Variants in OCIAD2 observed in about 807,000 individuals in gnomAD.
The protein encoded by OCIAD2 is OCIA domain containing 2.
A neutral mutation model predicts 22.9 loss-of-function variants in OCIAD2; 29 were observed. That is an observed-to-expected ratio of 1.27 (90% CI 0.94 to 1.73). The LOEUF (loss-of-function observed/expected upper bound fraction) is 1.73. Among genes scored for constraint, OCIAD2 ranks in the 40% most tolerant of loss-of-function variants. The pLI is 0.00. For missense variants in OCIAD2, 189 were observed against 180.3 expected, an observed-to-expected ratio of 1.05 and a Z score of -0.28; for synonymous variants, 67 against 60.2, an observed-to-expected ratio of 1.11 and a Z score of -0.52.
At chr4:48,891,393 C>A (rs1464393417) in intron 6 of OCIAD2, among the ~76,000 whole-genome samples, 18 of 152,198 alleles carry the variant, frequency 1.2e-4, no homozygotes, top group Non-Finnish European at 2.4e-4. Context: ...TAGGGCATAG[C>A]AATTCATTAT....
chr4:48,902,796 T>C (rs1781443871), intron 2 of OCIAD2, among the ~76,000 whole-genome samples: 1 of 152,068 alleles, frequency 6.6e-6, no homozygotes, highest in Non-Finnish European at 1.5e-5. Flanking sequence ...CTACTAAAAA[T>C]GCAACAATTA....
intron 2 of OCIAD2, among the ~76,000 whole-genome samples, chr4:48,901,855 A>G (rs992855220): frequency 6.6e-6 from 1 of 151,942 alleles, no homozygotes; most frequent in African/African-American, 2.4e-5. Context: ...TTAACCTCCC[A>G]CCTCAGCCTC....
chr4:48,894,149 C>A (rs1781248854), intron 4 of OCIAD2, 96 bp from the exon 5 acceptor site: 1 of 594,030 alleles, frequency 1.7e-6, no homozygotes. Flanking sequence ...AAGAAACCTC[C>A]AAAATTTAAG....
intron 2 of OCIAD2, among the ~76,000 whole-genome samples, chr4:48,902,814 A>G (rs1781444315): frequency 6.6e-6 from 1 of 152,140 alleles, no homozygotes; most frequent in Non-Finnish European, 1.5e-5. Context: ...TTAGTCAGGC[A>G]TGGCGGCAGG....
chr4:48,895,102 T>A (rs1781273932), intron 4 of OCIAD2, among the ~76,000 whole-genome samples: 1 of 152,164 alleles, frequency 6.6e-6, no homozygotes, highest in South Asian at 2.1e-4. Flanking sequence ...TTAAGAAATA[T>A]GCATGGTTCT....
At position 48,895,507 on chromosome 4, in the gene OCIAD2, G is replaced by C. The variant is rs189213274; in HGVS notation, c.218-1454C>G. 3.3e-5 allele frequency among the ~76,000 whole-genome samples: 5 copies of C among 152,292 alleles called. No individual in the cohort carries two copies. In the East Asian group the frequency reaches 9.6e-4, roughly 29 times the overall value. The stretch of plus-strand genomic sequence containing the variant: ...ATGGCAAGGAAGTGCATGAAACAGA[G>C]AGCAAGAGGAGAGGCTGAACACATC... On this transcript the variant is annotated intron_variant, in intron 4 of 6. Transcript: ENST00000508632.
chr4:48,899,855 C>T lies in OCIAD2; in HGVS notation c.137G>A (p.Cys46Tyr), dbSNP rs1423038703. Residue 46 changes from cysteine to tyrosine, a missense_variant, in exon 3 of 7, where the codon TGT (cysteine) becomes TAT (tyrosine). Cys to Tyr is a radical substitution (Grantham distance 194). Coordinates refer to ENST00000508632, the MANE Select transcript of OCIAD2 (RefSeq NM_001014446.3). ...TCTCTTCCAGAAACTTTCTTCCTGA[C>T]ATTCTCGCATAATCTTTGAGATCTC... ...RAEISKIMRE[C>Y]QEESFWKRAL... 7.4e-6 allele frequency: 12 copies of T among 1,613,546 alleles called. No homozygotes were observed. Among genetic ancestry groups the T allele is most frequent in the Non-Finnish European group, 1.0e-5 (12 of 1,179,834 alleles).
intron 6 of OCIAD2, among the ~76,000 whole-genome samples, chr4:48,892,127 C>G (rs561904271): frequency 6.6e-6 from 1 of 152,322 alleles, no homozygotes; most frequent in East Asian, 1.9e-4. Context: ...AATGTGTCCC[C>G]AACACTAGTC....
chr4:48,900,290 T>C (rs1023474248), intron 2 of OCIAD2, among the ~76,000 whole-genome samples: 3 of 152,162 alleles, frequency 2.0e-5, no homozygotes, highest in African/African-American at 7.2e-5. Context: ...TTCGCCTGAC[T>C]GGCCTTAACA....
rs1781534665 is a variant in OCIAD2, at chr4:48,906,660, G to T, written c.-65C>A. 1 of 152,870 alleles carries T rather than the reference G, an allele frequency of 6.5e-6. No homozygotes were observed. Among genetic ancestry groups the T allele is most frequent in the Admixed American group, 6.5e-5 (1 of 15,314 alleles). 9.5% of individuals were successfully genotyped at this position (152,870 alleles called of 1,614,324 possible). A position where few individuals can be genotyped will look rare whatever the true frequency, so the allele number is the denominator to read the frequency against. ...CACTCCCCGGGGCGGGGGCTCACCT[G>T]TGTGGTCTGGGTCGCCTCCGAGGCC... is the stretch of plus-strand genomic sequence containing the variant. On this transcript the variant is annotated splice_region_variant and 5_prime_UTR_variant, in exon 1 of 7. Transcript: ENST00000508632.
intron 6 of OCIAD2, among the ~76,000 whole-genome samples, chr4:48,892,154 A>G (rs1214788157): frequency 1.3e-5 from 2 of 152,262 alleles, no homozygotes; most frequent in Non-Finnish European, 2.9e-5. Flanking sequence ...CTTCTATAGT[A>G]GAAATAGCTA....
At chr4:48,899,954 C>T (rs771144049) in intron 2 of OCIAD2, 29 bp from the exon 3 acceptor site, 2 of 1,539,812 alleles carry the variant, frequency 1.3e-6, no homozygotes, top group South Asian at 2.3e-5. Flanking sequence ...GGTGAGCTAA[C>T]TGAGGTCATT....
chr4:48,894,258 A>G (rs1781252087), intron 4 of OCIAD2, among the ~76,000 whole-genome samples: 1 of 152,118 alleles, frequency 6.6e-6, no homozygotes, highest in Non-Finnish European at 1.5e-5. Flanking sequence ...TTGGAGGCCG[A>G]GGCGGGCAGA....
intron 6 of OCIAD2, among the ~76,000 whole-genome samples, chr4:48,887,970 G>C (rs1485660757): frequency 2.0e-5 from 3 of 152,148 alleles, no homozygotes; most frequent in East Asian, 3.8e-4. Context: ...CTACCCATGA[G>C]CATGGAATGT....
At chr4:48,900,887 C>A (rs1781400433) in intron 2 of OCIAD2, among the ~76,000 whole-genome samples, 1 of 152,104 alleles carries the variant, frequency 6.6e-6, no homozygotes, top group African/African-American at 2.4e-5. Context: ...AGTCACTGAT[C>A]CCAGCCTTGC....
intron 6 of OCIAD2, among the ~76,000 whole-genome samples, chr4:48,887,046 G>C (rs1375324156): frequency 6.6e-6 from 1 of 152,202 alleles, no homozygotes; most frequent in Non-Finnish European, 1.5e-5. Context: ...ACTGGTGTGA[G>C]ATGGTATCTC....
intron 2 of OCIAD2, among the ~76,000 whole-genome samples, chr4:48,902,587 T>C (rs1218286925): frequency 1.3e-5 from 2 of 152,218 alleles, no homozygotes; most frequent in Non-Finnish European, 2.9e-5. Context: ...GGTGAATATT[T>C]GCTCTTGCTC....
At chr4:48,889,304 G>T (rs992868887) in intron 6 of OCIAD2, among the ~76,000 whole-genome samples, 2 of 151,924 alleles carry the variant, frequency 1.3e-5, no homozygotes, top group African/African-American at 4.8e-5. Context: ...TGGATTCATT[G>T]ATTTTTTGAA....
chr4:48,899,531 T>C lies in OCIAD2; in HGVS notation c.163+298A>G, dbSNP rs546106444. 6.6e-5 allele frequency among the ~76,000 whole-genome samples: 10 copies of C among 152,312 alleles called. No homozygotes were observed. The South Asian group carries it at 2.1e-3, about 32-fold the overall frequency. On this transcript the variant is annotated intron_variant, in intron 3 of 6. Coordinates refer to ENST00000508632, the MANE Select transcript of OCIAD2 (RefSeq NM_001014446.3). ...GTAGAATGTAGGAAGGTCCACTCTT[T>C]GGGAGTCAGCAAATTCTAAATAATT...
Sources: allele counts gnomAD v4.1 joint callset (sites outside exome capture counted in the v4.1 genomes callset), GRCh38; gene constraint gnomAD v4.1.1; transcripts MANE v1.5; gene names NCBI Gene and HGNC (gene_info 2026-07-23, HGNC 2026-07-21).